PRKG1: variants seen among roughly 807,000 people sequenced by gnomAD.
PRKG1 encodes the protein cGMP-dependent protein kinase 1.
A neutral mutation model predicts 88.1 loss-of-function variants in PRKG1; 35 were observed. The ratio of observed to expected loss-of-function variants is 0.40; its 90% CI spans 0.30 to 0.53. The LOEUF is 0.53. Ranked by LOEUF, PRKG1 falls within the 20% of genes least tolerant of loss-of-function variation. PRKG1 has a pLI of 0.59. For missense variants in PRKG1, 540 were observed against 839.8 expected, an observed-to-expected ratio of 0.64 and a Z score of 4.41; for synonymous variants, 303 against 292.5, an observed-to-expected ratio of 1.04 and a Z score of -0.37.
intron 8 of PRKG1, among the ~76,000 whole-genome samples, chr10:52,158,019 C>T (rs1238976871): frequency 4.6e-5 from 7 of 151,664 alleles, no homozygotes; most frequent in Admixed American, 4.6e-4. Context: ...GAAATATGTG[C>T]ATGCATAAAG....
chr10:51,058,380 G>C (rs940070043), intron 1 of PRKG1, among the ~76,000 whole-genome samples: 1 of 151,956 alleles, frequency 6.6e-6, no homozygotes. Flanking sequence ...AAGCAGAATA[G>C]ACTTAAATTT....
At chr10:52,089,642 C>T (rs996230839) in intron 7 of PRKG1, among the ~76,000 whole-genome samples, 2 of 151,920 alleles carry the variant, frequency 1.3e-5, no homozygotes, top group Non-Finnish European at 2.9e-5. Context: ...GTAGAGATGT[C>T]AGTATGAATG....
chr10:52,229,083 T>C (rs1840464151), intron 9 of PRKG1, among the ~76,000 whole-genome samples: 1 of 152,162 alleles, frequency 6.6e-6, no homozygotes, highest in African/African-American at 2.4e-5. Flanking sequence ...TTTTATGTAC[T>C]ATTTTTTTTT....
intron 2 of PRKG1, among the ~76,000 whole-genome samples, chr10:51,156,921 C>G (rs1484147874): frequency 6.6e-6 from 1 of 151,866 alleles, no homozygotes; most frequent in Non-Finnish European, 1.5e-5. Flanking sequence ...GGATCTTCCA[C>G]AAGCTTGCTT....
At chr10:51,322,035 A>AG (rs1841471083) in intron 2 of PRKG1, among the ~76,000 whole-genome samples, 1 of 152,200 alleles carries the variant, frequency 6.6e-6, no homozygotes, top group Non-Finnish European at 1.5e-5. Context: ...AGCACGTCTC[A>AG]ATTAGATTAA....
intron 7 of PRKG1, chr10:52,128,017 T>C (rs1168889418): frequency 2.0e-6 from 2 of 980,406 alleles, no homozygotes; most frequent in African/African-American, 3.5e-5. Flanking sequence ...GGTTCTTTGA[T>C]GCTTGTCATT....
intron 8 of PRKG1, among the ~76,000 whole-genome samples, chr10:52,150,845 T>A (rs2132667479): frequency 6.6e-6 from 1 of 152,300 alleles, no homozygotes; most frequent in East Asian, 1.9e-4. Context: ...ATATTTTTCT[T>A]AGCCAGAGTT....
At chr10:51,896,487 T>C (rs866562840) in intron 4 of PRKG1, among the ~76,000 whole-genome samples, 1 of 151,556 alleles carries the variant, frequency 6.6e-6, no homozygotes, top group Non-Finnish European at 1.5e-5. Context: ...GGCAGAAGGA[T>C]CACTTGAGGC....
At chr10:51,699,101 CAG>C in intron 3 of PRKG1, 1 of 1,614,190 alleles carries the variant, frequency 6.2e-7, no homozygotes, top group Middle Eastern at 1.7e-4. Context: ...GTTTTGGACA[CAG>C]AGCTTCATCT....
At chr10:51,523,276 C>T (rs1168999269) in intron 3 of PRKG1, among the ~76,000 whole-genome samples, 4 of 152,156 alleles carry the variant, frequency 2.6e-5, no homozygotes, top group Non-Finnish European at 5.9e-5. Flanking sequence ...ACAGTGACTT[C>T]TCTACCTCAA....
intron 3 of PRKG1, among the ~76,000 whole-genome samples, chr10:51,557,085 C>A (rs1333125486): frequency 6.6e-6 from 1 of 151,914 alleles, no homozygotes; most frequent in African/African-American, 2.4e-5. Context: ...CATATAAATG[C>A]GTATAGTCAT....
chr10:52,177,970 T>C (rs1838910590), intron 9 of PRKG1, among the ~76,000 whole-genome samples: 1 of 148,184 alleles, frequency 6.7e-6, no homozygotes, highest in African/African-American at 2.4e-5. Flanking sequence ...TTGCATTGCT[T>C]TTTTTTTTTG....
At chr10:51,507,480 G>C (rs1589028474) in intron 3 of PRKG1, among the ~76,000 whole-genome samples, 1 of 151,958 alleles carries the variant, frequency 6.6e-6, no homozygotes, top group East Asian at 1.9e-4. Flanking sequence ...AATAATCTTA[G>C]CTAGCTGTAA....
chr10:51,455,812 G>C (rs1229385873), intron 2 of PRKG1, among the ~76,000 whole-genome samples: 3 of 152,120 alleles, frequency 2.0e-5, no homozygotes, highest in Non-Finnish European at 4.4e-5. Context: ...CCTGTCTTCT[G>C]AGCCCTCCAA....
intron 3 of PRKG1, among the ~76,000 whole-genome samples, chr10:51,745,720 A>T (rs371456386): frequency 2.0e-5 from 3 of 152,176 alleles, no homozygotes; most frequent in South Asian, 4.1e-4. Flanking sequence ...TAGCTAAAAA[A>T]AGTCCAGGCT....
At chr10:51,263,222 T>C (rs1475554671) in intron 2 of PRKG1, among the ~76,000 whole-genome samples, 2 of 152,234 alleles carry the variant, frequency 1.3e-5, no homozygotes, top group Admixed American at 6.5e-5. Flanking sequence ...TTAACAGGCC[T>C]CATTGATGCC....
chr10:52,005,475 C>T (rs910158273), intron 5 of PRKG1, among the ~76,000 whole-genome samples: 2 of 152,058 alleles, frequency 1.3e-5, no homozygotes, highest in African/African-American at 4.8e-5. Context: ...TGACCCCACC[C>T]AACCCTGCCA....
At chr10:51,892,143 A>T (rs1589394630) in intron 4 of PRKG1, among the ~76,000 whole-genome samples, 1 of 152,332 alleles carries the variant, frequency 6.6e-6, no homozygotes, top group Non-Finnish European at 1.5e-5. Flanking sequence ...ATACGTTAAT[A>T]GATATTCCCG....
In PRKG1 at chr10:51,324,959, G is replaced by T. The variant is rs182981874; in HGVS notation, c.479-142764G>T. Reference sequence around the variant, plus strand: ...TAGGCTTTTGAGGAATCGCCATAATGTTTTCTGTAATAGCTGTACTAATTT... The same window carrying T: ...TAGGCTTTTGAGGAATCGCCATAATTTTTTCTGTAATAGCTGTACTAATTT... On this transcript the variant is annotated intron_variant, in intron 2 of 17. Transcript: ENST00000373980. Among the ~76,000 whole-genome samples the T allele has an allele frequency of 8.5e-5, 13 of 152,162 alleles. No individual in the cohort carries two copies. In the East Asian group the frequency reaches 2.1e-3, roughly 25 times the overall value.
Sources: allele counts gnomAD v4.1 joint callset (sites outside exome capture counted in the v4.1 genomes callset), GRCh38; gene constraint gnomAD v4.1.1; transcripts MANE v1.5; gene names NCBI Gene and HGNC (gene_info 2026-07-23, HGNC 2026-07-21).